The following R3HDM1 variants were observed in gnomAD, a reference collection of about 807,000 sequenced individuals.
R3HDM1 encodes R3H domain-containing protein 1.
In R3HDM1, 46 loss-of-function variants were observed where a neutral mutation model predicts 141.1. That is an observed-to-expected ratio of 0.33 (90% CI 0.26 to 0.42). R3HDM1 has a LOEUF of 0.42. Among genes scored for constraint, R3HDM1 ranks in the 10% least tolerant of loss-of-function variants. The probability of loss-of-function intolerance (pLI) is 1.00; values close to 1 mark genes in which losing one functional copy is unlikely to be tolerated. For missense variants in R3HDM1, 1,184 were observed against 1,368.3 expected, an observed-to-expected ratio of 0.87 and a Z score of 2.12; for synonymous variants, 435 against 472.9, an observed-to-expected ratio of 0.92 and a Z score of 1.04.
intron 9 of R3HDM1, 114 bp downstream of exon 9, chr2:135,632,115 T>C (rs2062770040): frequency 1.1e-6 from 1 of 918,498 alleles, no homozygotes. Context: ...AATTAAGTTT[T>C]ATGATAACCT....
chr2:135,607,866 C>T (rs2060209026), intron 3 of R3HDM1: 2 of 983,308 alleles, frequency 2.0e-6, no homozygotes, highest in Non-Finnish European at 2.4e-6. Context: ...AAGGGAATAC[C>T]ATAGTAAACA....
At chr2:135,672,458 C>G (rs2068532383) in intron 19 of R3HDM1, among the ~76,000 whole-genome samples, 1 of 152,150 alleles carries the variant, frequency 6.6e-6, no homozygotes, top group Non-Finnish European at 1.5e-5. Flanking sequence ...TCCTTTAAGT[C>G]CAAGCCCAAA....
chr2:135,622,989 T>A (rs2061650606), intron 7 of R3HDM1: 2 of 981,972 alleles, frequency 2.0e-6, no homozygotes, highest in Non-Finnish European at 2.4e-6. Flanking sequence ...AGGCTCTTGA[T>A]TGAGTTAGAC....
intron 21 of R3HDM1, among the ~76,000 whole-genome samples, chr2:135,686,466 T>C (rs1200440187): frequency 6.6e-6 from 1 of 152,238 alleles, no homozygotes; most frequent in East Asian, 1.9e-4. Flanking sequence ...AAATGTGGTA[T>C]GGCTCATTCC....
At chr2:135,542,834 G>A (rs981441663) in intron 1 of R3HDM1, among the ~76,000 whole-genome samples, 5 of 152,168 alleles carry the variant, frequency 3.3e-5, no homozygotes, top group Non-Finnish European at 7.3e-5. Flanking sequence ...CACCTCCCAG[G>A]TTCAAGCAAT....
At chr2:135,542,231 C>T (rs1012196436) in intron 1 of R3HDM1, among the ~76,000 whole-genome samples, 11 of 152,196 alleles carry the variant, frequency 7.2e-5, no homozygotes, top group African/African-American at 2.7e-4. Context: ...TAGGTATACA[C>T]AACCTGTGTG....
Position 135,596,191 on chromosome 2 carries a change from T to C in R3HDM1, c.-249-6309T>C, listed in dbSNP as rs190651906. Among the ~76,000 whole-genome samples the C allele has an allele frequency of 6.7e-3, 1,013 of 152,060 alleles. 8 individuals are homozygous for C. The highest frequency in any genetic ancestry group is 0.027 in the Middle Eastern group (8 of 294). ...TTTTTGTATTTTAGTAGAGACAGGG[T>C]TTCACCATGTTGGCCAGGCTGGTCT... On this transcript the variant is annotated intron_variant, in intron 1 of 26. Transcript: ENST00000683871.
intron 18 of R3HDM1, among the ~76,000 whole-genome samples, chr2:135,654,979 A>G (rs749679188): frequency 7.9e-5 from 12 of 151,368 alleles, no homozygotes; most frequent in East Asian, 1.9e-4. Flanking sequence ...GTGATATGCA[A>G]TTATTTTCAC....
At position 135,649,768 on chromosome 2, in the gene R3HDM1, ATGT is replaced by A; in HGVS notation, c.1624-129_1624-127del. Reference sequence around the variant, plus strand: ...CTTTGTATTGTTTTTGTTGTTTCCTATGTTGTTATATTTTAAATGACTTTATAA... The same window carrying A: ...CTTTGTATTGTTTTTGTTGTTTCCTATGTTATATTTTAAATGACTTTATAA... On this transcript the variant is annotated intron_variant, in intron 16 of 26. Transcript: ENST00000683871. The A allele has an allele frequency of 8.9e-6, 3 of 337,394 alleles. 1 individual carries two copies. Among genetic ancestry groups the A allele is most frequent in the Non-Finnish European group, 1.4e-5 (3 of 216,490 alleles). The allele number at this position is 337,394 out of a possible 1,614,324, so 20.9% of individuals were successfully genotyped here.
In R3HDM1 at chr2:135,547,361, C is replaced by T. The variant is rs1698911071; in HGVS notation, c.-250+15728C>T. Among the ~76,000 whole-genome samples the T allele has an allele frequency of 1.3e-5, 2 of 152,096 alleles. 1 individual carries two copies. The highest frequency in any genetic ancestry group is 4.1e-4 in the South Asian group (2 of 4,832). On this transcript the variant is annotated intron_variant, in intron 1 of 26. Transcript: ENST00000683871. ...CATGAGTTACTTGAAGAGAATGTTTCTAGCACCAAAAATCAAATGAATTTT... is the reference window on the plus strand; with the variant it reads ...CATGAGTTACTTGAAGAGAATGTTTTTAGCACCAAAAATCAAATGAATTTT...
At chr2:135,694,987 T>C (rs2073022780) in intron 21 of R3HDM1, among the ~76,000 whole-genome samples, 1 of 152,144 alleles carries the variant, frequency 6.6e-6, no homozygotes, top group South Asian at 2.1e-4. Context: ...AAGGACACTA[T>C]CTCAATATGG....
chr2:135,546,638 A>G (rs1425018580), intron 1 of R3HDM1, among the ~76,000 whole-genome samples: 1 of 152,216 alleles, frequency 6.6e-6, no homozygotes, highest in African/African-American at 2.4e-5. Flanking sequence ...GAGCCAGGCA[A>G]CCAGACCATG....
chr2:135,536,295 G>T lies in R3HDM1; in HGVS notation c.-250+4662G>T, dbSNP rs113984195. On this transcript the variant is annotated intron_variant, in intron 1 of 26. Coordinates refer to ENST00000683871, the MANE Select transcript of R3HDM1 (RefSeq NM_001378107.1). ...ACTACGACTACAAACTTGTCACTAG[G>T]ACTACAGGCATATGGCTAATTTTTT... Among the ~76,000 whole-genome samples, 248 of 152,182 alleles carry T rather than the reference G, an allele frequency of 1.6e-3. 4 individuals are homozygous for T. The highest frequency in any genetic ancestry group is 5.5e-3 in the African/African-American group (229 of 41,508).
chr2:135,626,906 A>G (rs1408607984), intron 7 of R3HDM1, among the ~76,000 whole-genome samples: 1 of 152,204 alleles, frequency 6.6e-6, no homozygotes, highest in Non-Finnish European at 1.5e-5. Context: ...ATGAAATTAT[A>G]TAATGTATGG....
chr2:135,709,497 C>G lies in R3HDM1; in HGVS notation c.2524C>G (p.Pro842Ala). The part of the protein sequence containing the change: ...EQVQFPRTTS[P>A]CSSQQLQGHQ... ...AGTACAATTTCCTCGAACCACTTCA[C>G]CATGCAGTTCCCAGCAGCTTCAAGG... is the stretch of plus-strand genomic sequence containing the variant. Residue 842 changes from proline (P) to alanine (A), a missense_variant, in exon 22 of 27, where the codon CCA (proline) becomes GCA (alanine). Transcript: ENST00000683871. 1.2e-6 allele frequency: 2 copies of G among 1,614,128 alleles called. No homozygotes were observed. The highest frequency in any genetic ancestry group is 1.7e-6 in the Non-Finnish European group (2 of 1,180,012).
At chr2:135,534,190 T>C (rs1695544023) in intron 1 of R3HDM1, among the ~76,000 whole-genome samples, 1 of 152,242 alleles carries the variant, frequency 6.6e-6, no homozygotes, top group African/African-American at 2.4e-5. Context: ...TTATTGGGAA[T>C]AAAAATTAGT....
intron 1 of R3HDM1, chr2:135,584,393 C>T (rs1020559009): frequency 6.7e-5 from 63 of 940,104 alleles, no homozygotes; most frequent in Non-Finnish European, 7.5e-5. Context: ...TTTTCATTAC[C>T]TGACCTCGGT....
chr2:135,639,043 C>T lies in R3HDM1; in HGVS notation c.1140C>T (p.Ser380=). The change falls in exon 14 of 27, where the codon AGC becomes AGT. Residue 380 remains serine, a synonymous_variant. Transcript: ENST00000683871. ...RNLKPAVTKA[S]SFSGISVLTR... ...TGAAACCTGCTGTAACCAAAGCCAG[C>T]AGCTTCAGTGGAATCTCAGTCCTGA... 6.2e-7 allele frequency: 1 copy of T among 1,614,192 alleles called. No individual in the cohort carries two copies. The highest frequency in any genetic ancestry group is 8.5e-7 in the Non-Finnish European group (1 of 1,180,036).
At position 135,631,876 on chromosome 2, in the gene R3HDM1, A is replaced by T. The variant is rs775818232; in HGVS notation, c.573A>T (p.Lys191Asn). ...FIGNNESPRK[K>N]FPPMTSYHRM... is the part of the protein sequence containing the mutation. ...GTGCTTCTAGGTCTCCACGTAAAAAATTCCCCCCAATGACATCTTACCATA... is the reference window on the plus strand; with the variant it reads ...GTGCTTCTAGGTCTCCACGTAAAAATTTCCCCCCAATGACATCTTACCATA... The change falls in exon 9 of 27, where the codon AAA becomes AAT. Residue 191 changes from lysine (K) to asparagine (N), a missense_variant. Physicochemically the swap from Lys to Asn is moderately conservative, Grantham distance 94. Around this residue, in one of 5 missense-constraint regions of R3HDM1, gnomAD observed 192 missense variants for 215.7 expected, o/e 0.89. Coordinates refer to ENST00000683871, the MANE Select transcript of R3HDM1 (RefSeq NM_001378107.1). 2 of 1,608,768 alleles carry T rather than the reference A, an allele frequency of 1.2e-6. No homozygotes were observed. Among genetic ancestry groups the T allele is most frequent in the Non-Finnish European group, 1.7e-6 (2 of 1,177,770 alleles).
Sources: allele counts gnomAD v4.1 joint callset (sites outside exome capture counted in the v4.1 genomes callset), GRCh38; gene constraint gnomAD v4.1.1; regional missense constraint gnomAD v4.1.1; transcripts MANE v1.5; gene names NCBI Gene and HGNC (gene_info 2026-07-23, HGNC 2026-07-21).